CFAP54: variants seen among roughly 807,000 people sequenced by gnomAD.
The protein encoded by CFAP54 is cilia and flagella associated protein 54.
CFAP54 carries 290 observed loss-of-function variants against 370.4 expected under a neutral mutation model. The observed-to-expected ratio is 0.78, with a 90% confidence interval of 0.71 to 0.86. The LOEUF (loss-of-function observed/expected upper bound fraction) is 0.86, where lower values mean the gene tolerates loss of function less well. Ranked by LOEUF, CFAP54 falls within the 40% of genes least tolerant of loss-of-function variation. The pLI, the probability that CFAP54 is intolerant of heterozygous loss-of-function variation, is 0.00. For missense variants in CFAP54, 3,399 were observed against 3,528.7 expected (o/e 0.96, Z 0.93); for synonymous variants, 1,206 against 1,236.5 (o/e 0.98, Z 0.52).
chr12:96,671,076 G>A (rs1245087800), intron 39 of CFAP54, among the ~76,000 whole-genome samples: 1 of 152,132 alleles, frequency 6.6e-6, no homozygotes, highest in Non-Finnish European at 1.5e-5. Flanking sequence ...GGGTTCAAGC[G>A]ATTCTCCTGC....
chr12:96,581,595 G>T (rs1956033114), intron 22 of CFAP54, among the ~76,000 whole-genome samples: 1 of 151,952 alleles, frequency 6.6e-6, no homozygotes, highest in Non-Finnish European at 1.5e-5. Flanking sequence ...AATGTCAGTG[G>T]TGTCAAGATT....
rs1430200285 is a variant in CFAP54, at chr12:96,592,627, C to G, written c.3350C>G (p.Pro1117Arg). 1.7e-6 allele frequency: 2 copies of G among 1,161,168 alleles called. No homozygotes were observed. Among genetic ancestry groups the G allele is most frequent in the South Asian group, 1.9e-5 (1 of 51,918 alleles). The allele number at this position is 1,161,168 out of a possible 1,614,324, so 71.9% of individuals were successfully genotyped here. A position where few individuals can be genotyped will look rare whatever the true frequency, so the allele number is the denominator to read the frequency against. Residue 1117 changes from proline to arginine, a missense_variant, in exon 24 of 68, where the codon CCA becomes CGA. Transcript: ENST00000524981. ...CDNIKGNEIF[P>R]SQQIARLIEC... ...AATATTAAAGGCAATGAGATTTTCC[C>G]ATCTCAACAAGTAAGTGAATTAAAG...
chr12:96,520,324 A>G (rs1376103242), intron 6 of CFAP54, among the ~76,000 whole-genome samples: 1 of 152,156 alleles, frequency 6.6e-6, no homozygotes, highest in Non-Finnish European at 1.5e-5. Context: ...CTGGTGGATC[A>G]CCTGAGATCA....
Position 96,742,598 on chromosome 12 carries a change from T to C in CFAP54, c.7219+12T>C, listed in dbSNP as rs767085600. 1.2e-6 allele frequency: 2 copies of C among 1,604,692 alleles called. No individual in the cohort carries two copies. The highest frequency in any genetic ancestry group is 2.2e-5 in the East Asian group (1 of 44,650). On this transcript the variant is annotated intron_variant, in intron 52 of 67. Coordinates refer to ENST00000524981, the MANE Select transcript of CFAP54 (RefSeq NM_001306084.2). ...TGGAATTGTGAAAGGTACAAACATTTGCTTAATCAATGTTTTCATAAAAAT... is the reference window on the plus strand; with the variant it reads ...TGGAATTGTGAAAGGTACAAACATTCGCTTAATCAATGTTTTCATAAAAAT...
intron 1 of CFAP54, among the ~76,000 whole-genome samples, chr12:96,497,270 T>C (rs761252658): frequency 4.6e-5 from 7 of 152,022 alleles, no homozygotes; most frequent in Admixed American, 6.5e-5. Context: ...TTTCTTGGAG[T>C]TGTGAAAATG....
At chr12:96,707,923 G>C (rs974713005) in intron 47 of CFAP54, among the ~76,000 whole-genome samples, 1 of 152,142 alleles carries the variant, frequency 6.6e-6, no homozygotes, top group Non-Finnish European at 1.5e-5. Context: ...AAGAAAGAGA[G>C]AGAGGGTGAA....
intron 25 of CFAP54, among the ~76,000 whole-genome samples, chr12:96,595,310 C>T (rs1041081935): frequency 6.6e-6 from 1 of 151,864 alleles, no homozygotes; most frequent in African/African-American, 2.4e-5. Flanking sequence ...ATTCAGGAGC[C>T]CCACCCACAC....
At chr12:96,834,254 C>G (rs1959179282) in intron 66 of CFAP54, among the ~76,000 whole-genome samples, 2 of 152,208 alleles carry the variant, frequency 1.3e-5, no homozygotes, top group Non-Finnish European at 2.9e-5. Flanking sequence ...TATTAGCGGT[C>G]AAGGGAGGCT....
chr12:96,662,586 A>G (rs1340245159), intron 38 of CFAP54, among the ~76,000 whole-genome samples: 5 of 152,234 alleles, frequency 3.3e-5, no homozygotes, highest in Admixed American at 6.5e-5. Flanking sequence ...TTAAAACCCT[A>G]TGGTGGCTTC....
At chr12:96,855,305 C>T (rs1959670189) in intron 66 of CFAP54, among the ~76,000 whole-genome samples, 1 of 152,150 alleles carries the variant, frequency 6.6e-6, no homozygotes, top group South Asian at 2.1e-4. Flanking sequence ...CCTCCCAAAT[C>T]TCATGTCCTC....
chr12:96,621,305 C>T (rs1167807761), intron 26 of CFAP54, among the ~76,000 whole-genome samples: 1 of 152,156 alleles, frequency 6.6e-6, no homozygotes, highest in Non-Finnish European at 1.5e-5. Context: ...AGTTAACTCA[C>T]TGTATCAGAA....
In CFAP54 at chr12:96,589,441, TG is replaced by T; in HGVS notation, c.3092del (p.Gly1031ValfsTer31). Reference protein sequence around the residue: ...MFLTQVAYQVGNYELAKKVFS... With the variant: ...MFLTQVAYQVXNYELAKKVFS... ...TTTTGTTATAGGTTGCCTATCAAGT[TG>T]GTAACTATGAATTGGCTAAGAAAGT... is the stretch of plus-strand genomic sequence containing the variant. On this transcript the variant is annotated frameshift_variant, in exon 23 of 68. Transcript: ENST00000524981. LOFTEE classifies it high-confidence loss of function. The T allele has an allele frequency of 6.5e-7, 1 of 1,532,072 alleles. No individual in the cohort carries two copies. Among genetic ancestry groups the T allele is most frequent in the Non-Finnish European group, 8.7e-7 (1 of 1,143,992 alleles). 94.9% of individuals were successfully genotyped at this position (1,532,072 alleles called of 1,614,324 possible). A position where few individuals can be genotyped will look rare whatever the true frequency, so the allele number is the denominator to read the frequency against.
In CFAP54 at chr12:96,786,676, A is replaced by T; in HGVS notation, c.8457A>T (p.Ala2819=). ...QRINNLSKLL[A]SATPVSGISL... Reference sequence around the variant, plus strand: ...ACTAAGGTATTTTTCTTTCTTAAGCATCTGCAACACCAGTATCTGGAATTT... The same window carrying T: ...ACTAAGGTATTTTTCTTTCTTAAGCTTCTGCAACACCAGTATCTGGAATTT... Residue 2819 remains alanine (A), a splice_region_variant and synonymous_variant, in exon 62 of 68, where the codon GCA becomes GCT. Coordinates refer to ENST00000524981, the MANE Select transcript of CFAP54 (RefSeq NM_001306084.2). 2 of 1,524,938 alleles carry T rather than the reference A, an allele frequency of 1.3e-6. No individual in the cohort carries two copies. Among genetic ancestry groups the T allele is most frequent in the Non-Finnish European group, 1.8e-6 (2 of 1,139,720 alleles). The allele number at this position is 1,524,938 out of a possible 1,614,324, so 94.5% of individuals were successfully genotyped here.
intron 36 of CFAP54, among the ~76,000 whole-genome samples, chr12:96,657,108 A>G (rs570578152): frequency 2.5e-4 from 38 of 152,308 alleles, no homozygotes; most frequent in African/African-American, 8.9e-4. Flanking sequence ...GGTTACTTTT[A>G]GTGGTATTAT....
At chr12:96,728,206 G>C (rs1005320533) in intron 50 of CFAP54, among the ~76,000 whole-genome samples, 2 of 151,784 alleles carry the variant, frequency 1.3e-5, no homozygotes, top group African/African-American at 4.8e-5. Flanking sequence ...TGTATTTCCT[G>C]AATCTGAATG....
At chr12:96,824,662 G>A (rs1302606652) in intron 65 of CFAP54, among the ~76,000 whole-genome samples, 1 of 152,070 alleles carries the variant, frequency 6.6e-6, no homozygotes, top group African/African-American at 2.4e-5. Flanking sequence ...TGGGTAGTCT[G>A]CCTGTCCTCC....
At position 96,576,644 on chromosome 12, in the gene CFAP54, G is replaced by A; in HGVS notation, c.2679G>A (p.Gln893=). 1.3e-6 allele frequency: 2 copies of A among 1,535,116 alleles called. No homozygotes were observed. The highest frequency in any genetic ancestry group is 1.7e-6 in the Non-Finnish European group (2 of 1,146,262). Residue 893 remains glutamine, a synonymous_variant, in exon 20 of 68, where the codon CAG becomes CAA. Coordinates refer to ENST00000524981, the MANE Select transcript of CFAP54 (RefSeq NM_001306084.2). ...AACAAAATGCCCTATATTCCTATCA[G>A]AAATATTTGGAAAGTTCAAAAAGAA... ...EAEQNALYSY[Q]KYLESSKRKK...
chr12:96,550,718 C>T (rs1955685604), intron 15 of CFAP54, among the ~76,000 whole-genome samples: 1 of 152,150 alleles, frequency 6.6e-6, no homozygotes, highest in Non-Finnish European at 1.5e-5. Flanking sequence ...AAGCATGTTG[C>T]AGAGCTCATG....
At chr12:96,619,929 G>T (rs1174719411) in intron 26 of CFAP54, among the ~76,000 whole-genome samples, 3 of 152,048 alleles carry the variant, frequency 2.0e-5, no homozygotes, top group Non-Finnish European at 4.4e-5. Context: ...ATTTTGGCCG[G>T]ACATGGTGAC....
Sources: allele counts gnomAD v4.1 joint callset (sites outside exome capture counted in the v4.1 genomes callset), GRCh38; gene constraint gnomAD v4.1.1; transcripts MANE v1.5; gene names NCBI Gene and HGNC (gene_info 2026-07-23, HGNC 2026-07-21).